CAPZB: variants seen among roughly 807,000 people sequenced by gnomAD.
CAPZB encodes the protein F-actin-capping protein subunit beta.
Under a neutral mutation model 38.1 loss-of-function variants are expected in CAPZB, and 2 were observed. The ratio of observed to expected loss-of-function variants is 0.05; its 90% CI spans 0.02 to 0.17. The LOEUF is 0.17. Among genes scored for constraint, CAPZB ranks in the 10% least tolerant of loss-of-function variants. CAPZB has a pLI of 1.00. For synonymous variants in CAPZB, 107 were observed against 127.4 expected (o/e 0.84, Z 1.08); for missense variants, 161 against 334.2 (o/e 0.48, Z 4.04).
chr1:19,396,868 G>A (rs973455972), intron 2 of CAPZB, among the ~76,000 whole-genome samples: 2 of 151,762 alleles, frequency 1.3e-5, no homozygotes, highest in Middle Eastern at 3.5e-3. Flanking sequence ...GAGGAGAATC[G>A]CTTGAACCTG....
chr1:19,472,248 G>A (rs1349423104), intron 1 of CAPZB, among the ~76,000 whole-genome samples: 1 of 152,198 alleles, frequency 6.6e-6, no homozygotes, highest in African/African-American at 2.4e-5. Flanking sequence ...CATGAACTGA[G>A]GACATGGAGA....
chr1:19,345,276 A>C, intron 6 of CAPZB, 24 bp from the exon 7 acceptor site: 1 of 1,596,562 alleles, frequency 6.3e-7, no homozygotes, highest in Non-Finnish European at 8.6e-7. Flanking sequence ...AAACATTCCA[A>C]GTCAGAGAAA....
In CAPZB at chr1:19,385,600, C is replaced by G. The variant is rs2094199667; in HGVS notation, c.120G>C (p.Leu40=). ...TTTTCAGTGGCTGGTCAACAGAAGA[C>G]AGGAGATCCTCACATAGACTGGGGA... The part of the protein sequence containing the change: ...DLVPSLCEDL[L]SSVDQPLKIA... Residue 40 remains leucine (L), a synonymous_variant, in exon 3 of 9, where the codon CTG becomes CTC. Coordinates refer to ENST00000264202, the MANE Select transcript of CAPZB (RefSeq NM_004930.5). 6.2e-7 allele frequency: 1 copy of G among 1,614,058 alleles called. No homozygotes were observed. The highest frequency in any genetic ancestry group is 8.5e-7 in the Non-Finnish European group (1 of 1,180,028).
intron 3 of CAPZB, among the ~76,000 whole-genome samples, chr1:19,385,080 G>A (rs1389196202): frequency 6.6e-6 from 1 of 152,086 alleles, no homozygotes; most frequent in Non-Finnish European, 1.5e-5. Context: ...ACAGAGCTGC[G>A]TTCGTAGATC....
At chr1:19,425,229 A>G (rs1293090506) in intron 1 of CAPZB, among the ~76,000 whole-genome samples, 1 of 152,210 alleles carries the variant, frequency 6.6e-6, no homozygotes, top group East Asian at 1.9e-4. Context: ...AATGAGCTTC[A>G]CCAGTTCCAC....
intron 2 of CAPZB, among the ~76,000 whole-genome samples, chr1:19,401,238 G>C (rs1440234541): frequency 6.6e-6 from 1 of 151,014 alleles, no homozygotes; most frequent in African/African-American, 2.4e-5. Context: ...CCAAACAAAA[G>C]TGAGGGCTTT....
intron 1 of CAPZB, among the ~76,000 whole-genome samples, chr1:19,445,964 A>G (rs1438024498): frequency 6.6e-6 from 1 of 152,260 alleles, no homozygotes; most frequent in Non-Finnish European, 1.5e-5. Context: ...TCTGCCCTCA[A>G]GAGCACATGG....
chr1:19,459,354 C>T (rs1313687184), intron 1 of CAPZB, among the ~76,000 whole-genome samples: 6 of 152,054 alleles, frequency 3.9e-5, no homozygotes, highest in Admixed American at 3.9e-4. Flanking sequence ...AATGAAAAGT[C>T]GTTAAAGTTG....
At chr1:19,476,791 A>G (rs538793142) in intron 1 of CAPZB, among the ~76,000 whole-genome samples, 3 of 152,348 alleles carry the variant, frequency 2.0e-5, no homozygotes, top group South Asian at 4.1e-4. Context: ...GTGGAACCAA[A>G]AAAACCTCCT....
intron 2 of CAPZB, among the ~76,000 whole-genome samples, chr1:19,389,470 C>G (rs1308595673): frequency 6.6e-6 from 1 of 152,126 alleles, no homozygotes; most frequent in Non-Finnish European, 1.5e-5. Context: ...CTCTGTCACC[C>G]AGGCTGGAGT....
chr1:19,359,987 G>C (rs775957295), intron 4 of CAPZB, among the ~76,000 whole-genome samples: 54 of 152,190 alleles, frequency 3.5e-4, no homozygotes, highest in Non-Finnish European at 5.0e-4. Context: ...TGCCTCCATA[G>C]AGCCCTCCTG....
chr1:19,478,089 G>A (rs1429727285), intron 1 of CAPZB, among the ~76,000 whole-genome samples: 1 of 152,224 alleles, frequency 6.6e-6, no homozygotes, highest in Non-Finnish European at 1.5e-5. Context: ...GTCTGAGCCA[G>A]TGGTAACAAC....
At chr1:19,428,710 T>C (rs6661421) in intron 1 of CAPZB, among the ~76,000 whole-genome samples, 114,434 of 152,046 alleles carry the variant, frequency 0.75, 43,268 homozygotes, top group Admixed American at 0.82. Flanking sequence ...CACCTAAACC[T>C]GGATCTTCTT....
Position 19,343,418 on chromosome 1 carries a change from G to A in CAPZB, c.731+940C>T, listed in dbSNP as rs535577759. ...GGCTGGGCTGTGAGAGCTACACCAC[G>A]GCAGTGGGTGAGAGGGCTGGCCGCT... On this transcript the variant is annotated intron_variant, in intron 8 of 8. Coordinates refer to ENST00000264202, the MANE Select transcript of CAPZB (RefSeq NM_004930.5). 9.5e-4 allele frequency among the ~76,000 whole-genome samples: 144 copies of A among 152,380 alleles called. 3 individuals are homozygous for A. The highest frequency in any genetic ancestry group is 4.8e-3 in the South Asian group (23 of 4,830).
chr1:19,346,817 C>CTTTTTTTTTTT (rs34733600), intron 6 of CAPZB, among the ~76,000 whole-genome samples: 1 of 84,100 alleles, frequency 1.2e-5, no homozygotes, highest in Non-Finnish European at 2.3e-5. Flanking sequence ...CGACTTTTGT[C>CTTTTTTTTTTT]TTTTTTTTTT....
intron 3 of CAPZB, among the ~76,000 whole-genome samples, chr1:19,378,930 T>C (rs923485117): frequency 6.6e-6 from 1 of 152,092 alleles, no homozygotes; most frequent in Non-Finnish European, 1.5e-5. Context: ...ACTTTTCTCC[T>C]GCGTAAAATG....
chr1:19,433,738 T>TC (rs2094449591), intron 1 of CAPZB, among the ~76,000 whole-genome samples: 1 of 152,190 alleles, frequency 6.6e-6, no homozygotes, highest in Non-Finnish European at 1.5e-5. Flanking sequence ...TGCTTATTGA[T>TC]CCAACAAACC....
intron 1 of CAPZB, among the ~76,000 whole-genome samples, chr1:19,427,705 G>A (rs1409919073): frequency 6.6e-6 from 1 of 152,168 alleles, no homozygotes; most frequent in East Asian, 1.9e-4. Context: ...CTGTGCAGGA[G>A]GGAGATGCCT....
Position 19,419,737 on chromosome 1 carries a change from AGCT to A in CAPZB, c.14_16del (p.Gln5del). 3 of 1,581,752 alleles carry A rather than the reference AGCT, an allele frequency of 1.9e-6. No homozygotes were observed. The highest frequency in any genetic ancestry group is 1.7e-6 in the Non-Finnish European group (2 of 1,160,004). ...CCTCATTAGGTCCAAGGCACAGTCC[AGCT>A]GCTGATCACTCTGTGGAGGGAGAAA... On this transcript the variant is annotated inframe_deletion, in exon 2 of 9. Transcript: ENST00000264202.
Sources: allele counts gnomAD v4.1 joint callset (sites outside exome capture counted in the v4.1 genomes callset), GRCh38; gene constraint gnomAD v4.1.1; transcripts MANE v1.5; gene names NCBI Gene and HGNC (gene_info 2026-07-23, HGNC 2026-07-21).